The following RPS3 variants were observed in gnomAD, a reference collection of about 807,000 sequenced individuals.
RPS3 encodes the protein small ribosomal subunit protein uS3.
In RPS3, 2 loss-of-function variants were observed where a neutral mutation model predicts 25.8. The ratio of observed to expected loss-of-function variants is 0.08; its 90% CI spans 0.03 to 0.24. The LOEUF (loss-of-function observed/expected upper bound fraction) is 0.24, where lower values mean the gene tolerates loss of function less well. RPS3 is among the 10% of genes least tolerant of loss of function. RPS3 has a pLI of 1.00. For synonymous variants in RPS3, 114 were observed against 114.2 expected (o/e 1.00, Z 0.01); for missense variants, 107 against 307.1 (o/e 0.35, Z 4.87).
downstream of RPS3, among the ~76,000 whole-genome samples, chr11:75,411,053 T>A (rs1948352757): frequency 6.6e-6 from 1 of 151,954 alleles, no homozygotes; most frequent in African/African-American, 2.4e-5. Flanking sequence ...GTTTTTTGTA[T>A]TTTTCGTAGA....
intron 1 of RPS3, chr11:75,399,782 C>A: frequency 1.7e-6 from 1 of 574,396 alleles, no homozygotes; most frequent in Admixed American, 3.4e-5. Flanking sequence ...CCAAGTGAAG[C>A]GCAGAGAGAT....
At chr11:75,413,396 A>G (rs774801482) in intron 6 of RPS3, among the ~76,000 whole-genome samples, 3 of 152,126 alleles carry the variant, frequency 2.0e-5, no homozygotes, top group Non-Finnish European at 4.4e-5. Context: ...AGCTGGGACT[A>G]CAGGCATCCA....
In RPS3 at chr11:75,406,131, G is replaced by C. The variant is rs1305790516; in HGVS notation, c.*521G>C. 1 of 152,858 alleles carries C rather than the reference G, an allele frequency of 6.5e-6. No homozygotes were observed. 9.5% of individuals were successfully genotyped at this position (152,858 alleles called of 1,614,324 possible). ...AGTAAATTTGCCTAAGCAGTATAAA[G>C]CTATCATTAGAATCCACATTCCTAA... is the stretch of plus-strand genomic sequence containing the variant. On this transcript the variant is annotated 3_prime_UTR_variant, in exon 7 of 7. Coordinates refer to ENST00000531188, the MANE Select transcript of RPS3 (RefSeq NM_001005.5).
downstream of RPS3, among the ~76,000 whole-genome samples, chr11:75,407,142 CTTTT>C (rs942560637): frequency 6.6e-6 from 1 of 152,150 alleles, no homozygotes; most frequent in African/African-American, 2.4e-5. Flanking sequence ...GGATTCCTGT[CTTTT>C]TTATTTTTTG....
Position 75,405,314 on chromosome 11 carries a change from T to A in RPS3, c.*4-300T>A, listed in dbSNP as rs1948270574. 1.4e-5 allele frequency: 3 copies of A among 221,686 alleles called. No homozygotes were observed. In the South Asian group the frequency reaches 1.8e-4, roughly 13 times the overall value. The allele number at this position is 221,686 out of a possible 1,614,324, so 13.7% of individuals were successfully genotyped here. ...CTGGTCTCAGACTCCTGACCTCAGG[T>A]GAGCCACTGTGCTTGGCTGCTCAAG... On this transcript the variant is annotated intron_variant, in intron 6 of 6. Coordinates refer to ENST00000531188, the MANE Select transcript of RPS3 (RefSeq NM_001005.5).
chr11:75,417,502 C>T (rs1948409274), intron 6 of RPS3, among the ~76,000 whole-genome samples: 1 of 152,186 alleles, frequency 6.6e-6, no homozygotes, highest in African/African-American at 2.4e-5. Flanking sequence ...GAGGCTGAGG[C>T]AGGAGAATGG....
At position 75,404,626 on chromosome 11, in the gene RPS3, G is replaced by A. The variant is rs200117141; in HGVS notation, c.539-46G>A. ...CTCTCTTTGGTCTTGTGTGATGGGGGCCTTTGAGACCCCAGCTGTGTGCTA... is the reference window on the plus strand; with the variant it reads ...CTCTCTTTGGTCTTGTGTGATGGGGACCTTTGAGACCCCAGCTGTGTGCTA... On this transcript the variant is annotated intron_variant, in intron 5 of 6. Coordinates refer to ENST00000531188, the MANE Select transcript of RPS3 (RefSeq NM_001005.5). This position sits in a 1 kb window ranked among gnomAD's most constrained non-coding sequence, Gnocchi z 4.6. 1.1e-5 allele frequency: 17 copies of A among 1,566,104 alleles called. No individual in the cohort carries two copies. In the South Asian group the frequency reaches 1.9e-4, roughly 18 times the overall value.
intron 6 of RPS3, among the ~76,000 whole-genome samples, chr11:75,418,892 T>G (rs1227758668): frequency 6.6e-6 from 1 of 152,140 alleles, no homozygotes; most frequent in Admixed American, 6.6e-5. Flanking sequence ...GGCAGGCCAT[T>G]GACTACACCT....
chr11:75,408,705 C>G (rs868512959), downstream of RPS3, among the ~76,000 whole-genome samples: 1 of 152,138 alleles, frequency 6.6e-6, no homozygotes, highest in African/African-American at 2.4e-5. Flanking sequence ...GCCACCACTC[C>G]TGGCCAATTT....
chr11:75,415,498 C>T (rs750179848), intron 6 of RPS3, among the ~76,000 whole-genome samples: 1 of 152,072 alleles, frequency 6.6e-6, no homozygotes, highest in Non-Finnish European at 1.5e-5. Flanking sequence ...CATGGTGAAA[C>T]CCTGTCTCTA....
chr11:75,401,752 TG>T lies in RPS3; in HGVS notation c.255+20del, dbSNP rs1159387401. 1 of 1,383,992 alleles carries T rather than the reference TG, an allele frequency of 7.2e-7. No homozygotes were observed. Among genetic ancestry groups the T allele is most frequent in the Non-Finnish European group, 1.0e-6 (1 of 971,244 alleles). The allele number at this position is 1,383,992 out of a possible 1,614,324, so 85.7% of individuals were successfully genotyped here. A position where few individuals can be genotyped will look rare whatever the true frequency, so the allele number is the denominator to read the frequency against. On this transcript the variant is annotated intron_variant, in intron 3 of 6. Coordinates refer to ENST00000531188, the MANE Select transcript of RPS3 (RefSeq NM_001005.5). ...TGTAGAGGTGAGTGATTCTGGCATA[TG>T]CCAGAGGTAATGGCTCTTCAGAATG...
chr11:75,413,272 ACT>A (rs1259604191), intron 6 of RPS3, among the ~76,000 whole-genome samples: 29 of 144,844 alleles, frequency 2.0e-4, no homozygotes, highest in African/African-American at 7.2e-4. Flanking sequence ...AGACAGTCTC[ACT>A]CTGTAGCCCA....
chr11:75,399,971 C>T, intron 1 of RPS3: 1 of 297,030 alleles, frequency 3.4e-6, no homozygotes, highest in Non-Finnish European at 6.4e-6. Flanking sequence ...TGGGTACAGT[C>T]CGCTGGCCCC....
chr11:75,416,921 A>G (rs1948403852), intron 6 of RPS3, among the ~76,000 whole-genome samples: 1 of 152,168 alleles, frequency 6.6e-6, no homozygotes, highest in South Asian at 2.1e-4. Flanking sequence ...TTTTGATATT[A>G]TTTTATCAAC....
chr11:75,419,226 T>C (rs1948424751), intron 6 of RPS3, among the ~76,000 whole-genome samples: 1 of 152,230 alleles, frequency 6.6e-6, no homozygotes, highest in Admixed American at 6.5e-5. Flanking sequence ...TTTAACTGGA[T>C]GAAAATAACC....
At chr11:75,416,460 A>C (rs2510892) in intron 6 of RPS3, among the ~76,000 whole-genome samples, 1 of 132,816 alleles carries the variant, frequency 7.5e-6, no homozygotes, top group Non-Finnish European at 1.6e-5. Context: ...GATTATTTCT[A>C]TTTTTTTTTT....
intron 6 of RPS3, among the ~76,000 whole-genome samples, chr11:75,417,104 A>G (rs1326309660): frequency 6.6e-6 from 1 of 152,206 alleles, no homozygotes; most frequent in Non-Finnish European, 1.5e-5. Flanking sequence ...GACAGATTTC[A>G]TTACTAACCT....
chr11:75,415,942 C>T (rs1948393598), intron 6 of RPS3, among the ~76,000 whole-genome samples: 1 of 148,114 alleles, frequency 6.8e-6, no homozygotes, highest in African/African-American at 2.5e-5. Context: ...TGCCACTGCA[C>T]TCCAGCCTGG....
chr11:75,410,365 A>T (rs1398913427), downstream of RPS3, among the ~76,000 whole-genome samples: 4 of 151,422 alleles, frequency 2.6e-5, no homozygotes, highest in South Asian at 6.2e-4. Flanking sequence ...GGCGGGGCAG[A>T]GGTGCTCCCC....
Sources: gnomAD v4.1 joint callset for allele counts (sites outside exome capture counted in the v4.1 genomes callset) on GRCh38, gnomAD v4.1.1 for gene constraint, Gnocchi (gnomAD v3.1) non-coding constraint, MANE v1.5 for transcripts, NCBI Gene and HGNC (gene_info 2026-07-23, HGNC 2026-07-21) for gene names.